PRKCE: variants seen among roughly 807,000 people sequenced by gnomAD.
PRKCE encodes protein kinase C epsilon, also known as protein kinase C epsilon type.
Under a neutral mutation model 85.4 loss-of-function variants are expected in PRKCE, and 16 were observed. The ratio of observed to expected loss-of-function variants is 0.19; its 90% CI spans 0.13 to 0.28. PRKCE has a LOEUF of 0.28. PRKCE is among the 10% of genes least tolerant of loss of function. The pLI, the probability that PRKCE is intolerant of heterozygous loss-of-function variation, is 1.00. For synonymous variants in PRKCE, 388 were observed against 371.5 expected, an observed-to-expected ratio of 1.04 and a Z score of -0.51; for missense variants, 573 against 975.2, an observed-to-expected ratio of 0.59 and a Z score of 5.49.
intron 2 of PRKCE, 93 bp from the exon 3 acceptor site, chr2:45,976,336 C>G: frequency 6.9e-7 from 1 of 1,441,062 alleles, no homozygotes; most frequent in African/African-American, 1.4e-5. Flanking sequence ...CAGCTCCACT[C>G]CCCCAGGGAT....
At chr2:45,983,937 ATTTTT>A (rs11418472) in intron 5 of PRKCE, among the ~76,000 whole-genome samples, 3 of 132,992 alleles carry the variant, frequency 2.3e-5, no homozygotes, top group Admixed American at 7.7e-5. Context: ...TGAAGGTACA[ATTTTT>A]TTTTTTTTTT....
At chr2:45,914,583 G>C (rs190335124) in intron 2 of PRKCE, among the ~76,000 whole-genome samples, 9 of 152,212 alleles carry the variant, frequency 5.9e-5, no homozygotes, top group Non-Finnish European at 8.8e-5. Context: ...CAGGCTGATC[G>C]TCCCCCATCT....
chr2:46,108,622 C>A (rs1021080418), intron 11 of PRKCE, among the ~76,000 whole-genome samples: 2 of 152,152 alleles, frequency 1.3e-5, no homozygotes, highest in South Asian at 2.1e-4. Flanking sequence ...ATCAATGTAG[C>A]AAAATTGCAT....
chr2:46,015,691 C>CAAAAAAAAAAAAAAAAA (rs749060776), intron 10 of PRKCE, among the ~76,000 whole-genome samples: 2 of 80,796 alleles, frequency 2.5e-5, no homozygotes, highest in African/African-American at 4.6e-5. Flanking sequence ...AACACTAAAC[C>CAAAAAAAAAAAAAAAAA]AAAAAAAAAA....
intron 1 of PRKCE, among the ~76,000 whole-genome samples, chr2:45,725,016 C>G (rs1680933488): frequency 6.6e-6 from 1 of 152,236 alleles, no homozygotes; most frequent in Non-Finnish European, 1.5e-5. Flanking sequence ...AAGTTGCTAT[C>G]TAACACTTTC....
chr2:46,103,072 T>C (rs1321013842), intron 11 of PRKCE, among the ~76,000 whole-genome samples: 1 of 152,250 alleles, frequency 6.6e-6, no homozygotes, highest in Non-Finnish European at 1.5e-5. Flanking sequence ...CATTGTCTCC[T>C]CCACCATTAT....
At chr2:45,987,408 T>C (rs1024185652) in intron 6 of PRKCE, among the ~76,000 whole-genome samples, 3 of 152,206 alleles carry the variant, frequency 2.0e-5, no homozygotes, top group African/African-American at 7.2e-5. Flanking sequence ...TCTGATGTTA[T>C]TACTTGGCCT....
chr2:45,788,956 C>G (rs1203769248), intron 1 of PRKCE, among the ~76,000 whole-genome samples: 2 of 152,160 alleles, frequency 1.3e-5, no homozygotes, highest in Non-Finnish European at 2.9e-5. Context: ...CTAGTCCTAC[C>G]CCAGACCAAT....
chr2:45,976,519 A>G lies in PRKCE; in HGVS notation c.503A>G (p.Asn168Ser). 6.3e-7 allele frequency: 1 copy of G among 1,599,784 alleles called. No individual in the cohort carries two copies. Among genetic ancestry groups the G allele is most frequent in the Non-Finnish European group, 8.5e-7 (1 of 1,179,962 alleles). Residue 168 changes from asparagine (N) to serine (S), a missense_variant, in exon 3 of 15, where the codon AAC (asparagine) becomes AGC (serine). This residue lies in a region of PRKCE where 29 missense variants were observed against 96.2 expected (regional missense o/e 0.30). Transcript: ENST00000306156. ...GTCAGGCGCAGGGTCCATCAGGTCA[A>G]CGGCCACAAGTTCATGGCCACCTAT... ...GAVRRRVHQVNGHKFMATYLR... is the reference protein window; with the variant it reads ...GAVRRRVHQVSGHKFMATYLR...
chr2:46,012,689 G>A (rs998910790), intron 10 of PRKCE, among the ~76,000 whole-genome samples: 26 of 152,172 alleles, frequency 1.7e-4, no homozygotes, highest in African/African-American at 5.8e-4. Context: ...CCCTGTACGT[G>A]GTGGATCATG....
intron 1 of PRKCE, among the ~76,000 whole-genome samples, chr2:45,733,171 A>G (rs1037212664): frequency 1.3e-5 from 2 of 152,204 alleles, no homozygotes; most frequent in Non-Finnish European, 2.9e-5. Flanking sequence ...CTGGCTGAGG[A>G]GGTATCAGAC....
intron 11 of PRKCE, among the ~76,000 whole-genome samples, chr2:46,094,562 G>A (rs956302864): frequency 1.3e-5 from 2 of 151,706 alleles, no homozygotes; most frequent in African/African-American, 2.4e-5. Context: ...TCACCTACAA[G>A]TGGGAGCTGA....
intron 2 of PRKCE, among the ~76,000 whole-genome samples, chr2:45,903,892 T>TTG (rs1377072498): frequency 1.6e-5 from 2 of 121,714 alleles, no homozygotes; most frequent in African/African-American, 6.7e-5. Context: ...TTTTTTTTTG[T>TTG]TTGTTTGTTT....
At chr2:46,028,904 T>A (rs1171146752) in intron 10 of PRKCE, among the ~76,000 whole-genome samples, 2 of 152,206 alleles carry the variant, frequency 1.3e-5, no homozygotes, top group African/African-American at 4.8e-5. Context: ...AGTGAGAACA[T>A]GTGGTATTTG....
chr2:45,731,407 T>C (rs1435904677), intron 1 of PRKCE, among the ~76,000 whole-genome samples: 1 of 151,950 alleles, frequency 6.6e-6, no homozygotes, highest in Non-Finnish European at 1.5e-5. Context: ...AAAAAAGAAG[T>C]GGGGAGATGG....
At chr2:46,037,312 T>C (rs961332402) in intron 10 of PRKCE, among the ~76,000 whole-genome samples, 13 of 152,294 alleles carry the variant, frequency 8.5e-5, no homozygotes, top group African/African-American at 3.1e-4. Context: ...AAGATAAGGA[T>C]CCCAAACTCC....
intron 1 of PRKCE, among the ~76,000 whole-genome samples, chr2:45,762,346 A>G (rs1427077937): frequency 1.3e-5 from 2 of 152,144 alleles, no homozygotes; most frequent in African/African-American, 4.8e-5. Flanking sequence ...GTAATACTCA[A>G]ATTTATGCCA....
chr2:46,107,188 C>CT (rs987490323), intron 11 of PRKCE, among the ~76,000 whole-genome samples: 12 of 152,156 alleles, frequency 7.9e-5, no homozygotes, highest in Admixed American at 4.6e-4. Flanking sequence ...AACCACTTAC[C>CT]TTTTTTTACC....
intron 1 of PRKCE, among the ~76,000 whole-genome samples, chr2:45,702,214 A>G (rs899252826): frequency 1.3e-5 from 2 of 152,138 alleles, no homozygotes; most frequent in Non-Finnish European, 2.9e-5. Context: ...ACAAAAAACA[A>G]TACAAAGATG....
Sources: allele counts gnomAD v4.1 joint callset (sites outside exome capture counted in the v4.1 genomes callset), GRCh38; gene constraint gnomAD v4.1.1; regional missense constraint gnomAD v4.1.1; transcripts MANE v1.5; gene names NCBI Gene and HGNC (gene_info 2026-07-23, HGNC 2026-07-21).